The following TPO variants were observed in gnomAD, a reference collection of about 807,000 sequenced individuals.
The protein encoded by TPO is thyroid microsomal antigen.
A neutral mutation model predicts 96.9 loss-of-function variants in TPO; 78 were observed. The observed-to-expected ratio is 0.81, with a 90% CI of 0.67 to 0.97. The LOEUF is 0.97. Among genes scored for constraint, TPO ranks in the 50% least tolerant of loss-of-function variants. The pLI, the probability that TPO is intolerant of heterozygous loss-of-function variation, is 0.00. For missense variants in TPO, 1,252 were observed against 1,274.8 expected (o/e 0.98, Z 0.27); for synonymous variants, 547 against 538.0 (o/e 1.02, Z -0.23).
At chr2:1,535,203 C>T (rs1383487929) in intron 15 of TPO, among the ~76,000 whole-genome samples, 4 of 125,296 alleles carry the variant, frequency 3.2e-5, no homozygotes, top group African/African-American at 1.2e-4. Flanking sequence ...TGTGCAACCT[C>T]ATCAATTTCC....
intron 1 of TPO, among the ~76,000 whole-genome samples, chr2:1,398,978 C>A (rs1299317032): frequency 6.6e-6 from 1 of 152,246 alleles, no homozygotes; most frequent in Admixed American, 6.5e-5. Flanking sequence ...CAGGCCCTCA[C>A]CTCCTCTGCA....
intron 15 of TPO, among the ~76,000 whole-genome samples, chr2:1,517,946 C>G (rs527703792): frequency 1.3e-5 from 2 of 152,122 alleles, no homozygotes; most frequent in Non-Finnish European, 2.9e-5. Context: ...AGGCTCCCCC[C>G]CCCAATATGC....
At chr2:1,432,545 A>G (rs1429707925) in intron 3 of TPO, among the ~76,000 whole-genome samples, 250 of 78,052 alleles carry the variant, frequency 3.2e-3, no homozygotes, top group African/African-American at 0.011. Context: ...GCAGGTGAGG[A>G]GAGGCCTGCA....
rs1458235230 is a variant in TPO, at chr2:1,493,924, A to G, written c.1891A>G (p.Asn631Asp). 1 of 1,614,148 alleles carries G rather than the reference A, an allele frequency of 6.2e-7. No homozygotes were observed. ...CCTGGACTTGTACAAGCATCCTGAC[A>G]ACATCGATGTCTGGCTGGGAGGCTT... is the stretch of plus-strand genomic sequence containing the variant. ...KILDLYKHPD[N>D]IDVWLGGLAE... The change falls in exon 11 of 17, where the codon AAC becomes GAC. Residue 631 changes from asparagine (N) to aspartate (D), a missense_variant. Transcript: ENST00000329066.
At chr2:1,379,073 G>T (rs965094141) in intron 1 of TPO, among the ~76,000 whole-genome samples, 1 of 152,158 alleles carries the variant, frequency 6.6e-6, no homozygotes, top group African/African-American at 2.4e-5. Context: ...GGGAGGCTGA[G>T]GCAGGTGGAT....
upstream of TPO, among the ~76,000 whole-genome samples, chr2:1,408,580 T>C (rs993458935): frequency 1.3e-5 from 2 of 152,174 alleles, no homozygotes; most frequent in Non-Finnish European, 2.9e-5. Flanking sequence ...AGATGTGTAG[T>C]TAAAGCCATG....
intron 3 of TPO, among the ~76,000 whole-genome samples, chr2:1,426,681 A>T (rs534086320): frequency 6.6e-6 from 1 of 152,358 alleles, no homozygotes; most frequent in Non-Finnish European, 1.5e-5. Context: ...CCTTCTGTAA[A>T]GACAGACACC....
chr2:1,436,691 C>T (rs1037598629), intron 5 of TPO, among the ~76,000 whole-genome samples: 5 of 152,216 alleles, frequency 3.3e-5, no homozygotes, highest in African/African-American at 7.2e-5. Context: ...CGTGCTTAGG[C>T]GCCATCCTTG....
At chr2:1,459,489 G>A (rs773653630) in intron 7 of TPO, among the ~76,000 whole-genome samples, 22 of 152,212 alleles carry the variant, frequency 1.4e-4, no homozygotes, top group Non-Finnish European at 2.1e-4. Context: ...AGATGGTTTC[G>A]ATCTCATGTC....
intron 1 of TPO, among the ~76,000 whole-genome samples, chr2:1,378,910 A>G (rs1661763517): frequency 6.6e-6 from 1 of 152,186 alleles, no homozygotes; most frequent in Non-Finnish European, 1.5e-5. Context: ...GCTCCTCTCA[A>G]AGGCGGCTCA....
rs768318576 is a variant in TPO at position 1,477,375 on chromosome 2, G to A, written c.1109G>A (p.Arg370His). Residue 370 changes from arginine to histidine, a missense_variant, in exon 8 of 17, where the codon CGC becomes CAC. Physicochemically the swap from Arg to His is conservative, Grantham distance 29. Transcript: ENST00000329066. ...GCCTACCTGCCCTTCGTGCCGCCAC[G>A]CGCGCCTGCGGCCTGTGCGCCCGAG... is the stretch of plus-strand genomic sequence containing the variant. The part of the protein sequence containing the change: ...GRAYLPFVPP[R>H]APAACAPEPG... The A allele has an allele frequency of 5.2e-5, 79 of 1,532,814 alleles. 1 individual carries two copies. Among genetic ancestry groups the A allele is most frequent in the Non-Finnish European group, 6.9e-5 (78 of 1,137,612 alleles). The allele number at this position is 1,532,814 out of a possible 1,614,324, so 95.0% of individuals were successfully genotyped here.
chr2:1,513,078 T>C (rs1674329185), intron 14 of TPO, among the ~76,000 whole-genome samples: 1 of 152,186 alleles, frequency 6.6e-6, no homozygotes, highest in Non-Finnish European at 1.5e-5. Context: ...GTGCCCTCTC[T>C]GTACAGACGG....
At chr2:1,397,120 G>T (rs1244984517) in intron 1 of TPO, among the ~76,000 whole-genome samples, 1 of 152,118 alleles carries the variant, frequency 6.6e-6, no homozygotes, top group Non-Finnish European at 1.5e-5. Context: ...ATGCCGTAAG[G>T]ACTCAACACC....
At chr2:1,539,983 C>T (rs892491452) in intron 15 of TPO, among the ~76,000 whole-genome samples, 1 of 152,122 alleles carries the variant, frequency 6.6e-6, no homozygotes, top group Admixed American at 6.5e-5. Flanking sequence ...CAGTTAAATC[C>T]CACAGTATTT....
rs1558264413 is a variant in TPO, at chr2:1,422,356, G to GGT, written c.95-688_95-687insTG. ...GCCTCTCCTGGACCGACCTCGTGCA[G>GGT]GCGCCGCGCTGGACCGACCTCGTGC... is the stretch of plus-strand genomic sequence containing the variant. On this transcript the variant is annotated intron_variant, in intron 2 of 16. Transcript: ENST00000329066. Among the ~76,000 whole-genome samples the GGT allele has an allele frequency of 1.4e-3, 203 of 141,012 alleles. 6 individuals are homozygous for GGT. The highest frequency in any genetic ancestry group is 4.1e-3 in the African/African-American group (167 of 40,266). The allele number at this position is 141,012 out of a possible 152,430, so 92.5% of individuals were successfully genotyped here. A position where few individuals can be genotyped will look rare whatever the true frequency, so the allele number is the denominator to read the frequency against.
Position 1,503,935 on chromosome 2 carries a change from G to A in TPO, c.2387-13G>A, listed in dbSNP as rs1244357330. 4 of 1,614,068 alleles carry A rather than the reference G, an allele frequency of 2.5e-6. No homozygotes were observed. The highest frequency in any genetic ancestry group is 3.4e-6 in the Non-Finnish European group (4 of 1,180,034). ...CGCTTCCTCTCACGTGTGTGGCCTT[G>A]TGTGTCTGGCAGATGTGAACGAGTG... On this transcript the variant is annotated splice_polypyrimidine_tract_variant and intron_variant, in intron 13 of 16. Transcript: ENST00000329066.
At chr2:1,382,828 T>C (rs1425264682) in intron 1 of TPO, among the ~76,000 whole-genome samples, 1 of 151,900 alleles carries the variant, frequency 6.6e-6, no homozygotes, top group East Asian at 1.9e-4. Flanking sequence ...GCTGCATCCA[T>C]TACTCGTCAT....
intron 1 of TPO, among the ~76,000 whole-genome samples, chr2:1,386,369 A>G (rs1186481242): frequency 6.6e-6 from 1 of 152,090 alleles, no homozygotes; most frequent in Non-Finnish European, 1.5e-5. Context: ...GTAGGTCTCT[A>G]AGGACTTGCT....
intron 15 of TPO, among the ~76,000 whole-genome samples, chr2:1,527,014 ACTGTGTGCAACCTCCTC>A (rs1676704880): frequency 7.0e-5 from 1 of 14,234 alleles, no homozygotes; most frequent in Non-Finnish European, 1.4e-4. Context: ...AATCCCCCCC[ACTGTGTGCAACCTCCTC>A]AAATCCCCCC....
Sources: allele counts gnomAD v4.1 joint callset (sites outside exome capture counted in the v4.1 genomes callset), GRCh38; gene constraint gnomAD v4.1.1; transcripts MANE v1.5; gene names NCBI Gene and HGNC (gene_info 2026-07-23, HGNC 2026-07-21).